Variants in BPIFB2 observed in about 807,000 individuals in gnomAD.
The protein encoded by BPIFB2 is BPI fold-containing family B member 2.
Under a neutral mutation model 50.1 loss-of-function variants are expected in BPIFB2, and 39 were observed. The ratio of observed to expected loss-of-function variants is 0.78; its 90% CI spans 0.60 to 1.02. BPIFB2 has a LOEUF of 1.02. BPIFB2 is among the 50% of genes least tolerant of loss of function. The pLI is 0.00. For missense variants in BPIFB2, 574 were observed against 585.8 expected (o/e 0.98, Z 0.21); for synonymous variants, 280 against 256.3 (o/e 1.09, Z -0.88).
rs560928759 is a variant in BPIFB2, at chr20:33,020,193, G to A, written c.1081-135G>A. On this transcript the variant is annotated intron_variant, in intron 11 of 15. Coordinates refer to ENST00000170150, the MANE Select transcript of BPIFB2 (RefSeq NM_025227.3). ...CACTGTGTTGTTGCCAACATTCAGC[G>A]TGGGGCCTGGCACATAGCAGGGGCT... The A allele has an allele frequency of 6.3e-4, 515 of 811,198 alleles. 2 individuals are homozygous for A. The highest frequency in any genetic ancestry group is 1.3e-3 in the Middle Eastern group (5 of 3,764). 50.3% of individuals were successfully genotyped at this position (811,198 alleles called of 1,614,324 possible).
rs35193091 is a variant in BPIFB2 at position 33,017,053 on chromosome 20, C to T, written c.528C>T (p.Ser176=). 2,726 of 1,614,108 alleles carry T rather than the reference C, an allele frequency of 1.7e-3. 48 individuals carry two copies. The African/African-American group carries it at 0.032, about 19-fold the overall frequency. The change falls in exon 7 of 16, where the codon AGC becomes AGT. Residue 176 remains serine (S), a synonymous_variant. Coordinates refer to ENST00000170150, the MANE Select transcript of BPIFB2 (RefSeq NM_025227.3). ...CTGTCTTACCACAGCTGTGCCTGAG[C>T]ATCTCCAACCTGGTGCAGGGTGTCA... ...KAVLSNKLCL[S]ISNLVQGVNV...
In BPIFB2 at chr20:33,011,062, C is replaced by A. The variant is rs768183622; in HGVS notation, c.148C>A (p.Gln50Lys). 4 of 1,613,950 alleles carry A rather than the reference C, an allele frequency of 2.5e-6. No individual in the cohort carries two copies. Among genetic ancestry groups the A allele is most frequent in the Non-Finnish European group, 3.4e-6 (4 of 1,180,000 alleles). Residue 50 changes from glutamine (Q) to lysine (K), a missense_variant, in exon 3 of 16, where the codon CAG becomes AAG. By Grantham distance (53) the Gln-to-Lys change is moderately conservative (BLOSUM62 1). Transcript: ENST00000170150. The part of the protein sequence containing the change: ...IGKAPLQRAL[Q>K]VTVPHFLDWS... ...GAAAGCCCCTCTCCAGCGGGCCCTG[C>A]AGGTCACTGTCCCTCATTTCCTGGA...
At chr20:33,014,471 C>T (rs1990331567) in intron 5 of BPIFB2, among the ~76,000 whole-genome samples, 1 of 152,192 alleles carries the variant, frequency 6.6e-6, no homozygotes, top group African/African-American at 2.4e-5. Context: ...AGTATCCTAC[C>T]AGGTAGGTGT....
In BPIFB2 at chr20:33,014,221, T is replaced by C. The variant is rs1194141803; in HGVS notation, c.455+265T>C. Among the ~76,000 whole-genome samples the C allele has an allele frequency of 3.3e-5, 5 of 152,102 alleles. No homozygotes were observed. The East Asian group carries it at 9.6e-4, about 29-fold the overall frequency. On this transcript the variant is annotated intron_variant, in intron 5 of 15. Coordinates refer to ENST00000170150, the MANE Select transcript of BPIFB2 (RefSeq NM_025227.3). ...CAATACACACTAGCTATTAGCACAC[T>C]CTTTGGGGAGGGATTTTGGGTGGAT...
chr20:33,012,674 C>A, intron 3 of BPIFB2, 129 bp from the exon 4 acceptor site: 1 of 748,956 alleles, frequency 1.3e-6, no homozygotes, highest in South Asian at 1.7e-5. Context: ...CTTCCCCTTA[C>A]CTCATGGTTC....
intron 15 of BPIFB2, among the ~76,000 whole-genome samples, chr20:33,022,481 G>T (rs924024857): frequency 6.6e-6 from 1 of 152,210 alleles, no homozygotes; most frequent in African/African-American, 2.4e-5. Context: ...ACACAGAGGA[G>T]CAGGGCTCTG....
chr20:33,023,662 A>T lies in BPIFB2; in HGVS notation c.*279A>T. The T allele has an allele frequency of 1.8e-6, 1 of 542,646 alleles. No homozygotes were observed. Among genetic ancestry groups the T allele is most frequent in the Non-Finnish European group, 3.3e-6 (1 of 301,240 alleles). The allele number at this position is 542,646 out of a possible 1,614,324, so 33.6% of individuals were successfully genotyped here. A position where few individuals can be genotyped will look rare whatever the true frequency, so the allele number is the denominator to read the frequency against. The stretch of plus-strand genomic sequence containing the variant: ...AGCAGACTGCTCCTCCAGGCTGTAT[A>T]GACCTGCCCTCTTGCATTAAACAAC... On this transcript the variant is annotated 3_prime_UTR_variant, in exon 16 of 16. Transcript: ENST00000170150.
intron 3 of BPIFB2, among the ~76,000 whole-genome samples, chr20:33,012,449 A>G (rs925094617): frequency 3.9e-5 from 6 of 152,206 alleles, no homozygotes; most frequent in African/African-American, 1.2e-4. Context: ...GACATTGACT[A>G]GGATACCAGA....
In BPIFB2 at chr20:33,023,530, G is replaced by A. The variant is rs1269995494; in HGVS notation, c.*147G>A. On this transcript the variant is annotated 3_prime_UTR_variant, in exon 16 of 16. Transcript: ENST00000170150. ...TTAGCTGGGCTGTTTTATCTTCCCT[G>A]AGTGCCTGGGTCTCCCTCCCTCACT... is the stretch of plus-strand genomic sequence containing the variant. 9.2e-6 allele frequency: 8 copies of A among 868,978 alleles called. No homozygotes were observed. The highest frequency in any genetic ancestry group is 1.5e-5 in the Non-Finnish European group (8 of 541,364). 53.8% of individuals were successfully genotyped at this position (868,978 alleles called of 1,614,324 possible). A position where few individuals can be genotyped will look rare whatever the true frequency, so the allele number is the denominator to read the frequency against.
intron 4 of BPIFB2, 49 bp downstream of exon 4, chr20:33,012,956 C>G (rs1014447537): frequency 1.3e-6 from 2 of 1,502,232 alleles, no homozygotes; most frequent in Middle Eastern, 2.0e-4. Context: ...GGGGATGCTC[C>G]GAGGGATACA....
At chr20:33,021,430 C>A in intron 14 of BPIFB2, 86 bp downstream of exon 14, 1 of 1,440,208 alleles carries the variant, frequency 6.9e-7, no homozygotes, top group Non-Finnish European at 9.6e-7. Flanking sequence ...AGCCCCCTTC[C>A]CACCTCCCAG....
chr20:33,023,431 C>A lies in BPIFB2; in HGVS notation c.*48C>A. On this transcript the variant is annotated 3_prime_UTR_variant, in exon 16 of 16. Transcript: ENST00000170150. ...AGAGTGGGCCAGCTCGCTGCTCAGG[C>A]GAATTTCTCATTTCAAGCCACTGGG... 1 of 1,592,144 alleles carries A rather than the reference C, an allele frequency of 6.3e-7. No individual in the cohort carries two copies.
In BPIFB2 at chr20:33,009,782, C is replaced by A. The variant is rs1483446835; in HGVS notation, c.109+1099C>A. Among the ~76,000 whole-genome samples, 1 of 152,238 alleles carries A rather than the reference C, an allele frequency of 6.6e-6. No individual in the cohort carries two copies. Among genetic ancestry groups the A allele is most frequent in the East Asian group, 1.9e-4 (1 of 5,202 alleles). On this transcript the variant is annotated intron_variant, in intron 2 of 15. Coordinates refer to ENST00000170150, the MANE Select transcript of BPIFB2 (RefSeq NM_025227.3). This position sits in a 1 kb window ranked among gnomAD's most constrained non-coding sequence, Gnocchi z 4.2. ...TCCCCAGGGAGCCCTCCCCAGCTTG[C>A]CTGCCTGTGTTTGTTTTTGGCAGAA... is the stretch of plus-strand genomic sequence containing the variant.
At chr20:33,018,444 A>G in intron 8 of BPIFB2, 94 bp downstream of exon 8, 1 of 1,351,808 alleles carries the variant, frequency 7.4e-7, no homozygotes, top group South Asian at 1.3e-5. Context: ...GGGAGTGGGA[A>G]AGGAGAGGAG....
At chr20:33,010,457 C>A (rs1472516010) in intron 2 of BPIFB2, among the ~76,000 whole-genome samples, 1 of 152,212 alleles carries the variant, frequency 6.6e-6, no homozygotes, top group African/African-American at 2.4e-5. Context: ...GTGACAGATA[C>A]CATTAGAATC....
At chr20:33,017,176 T>C in intron 7 of BPIFB2, 74 bp downstream of exon 7, 2 of 1,426,724 alleles carry the variant, frequency 1.4e-6, no homozygotes, top group Non-Finnish European at 1.9e-6. Flanking sequence ...CTCCAAAGGC[T>C]CCACTCTGGA....
chr20:33,017,400 T>C (rs1978475089), intron 7 of BPIFB2, among the ~76,000 whole-genome samples: 1 of 152,244 alleles, frequency 6.6e-6, no homozygotes, highest in Non-Finnish European at 1.5e-5. Context: ...CAAGGACCAT[T>C]GACACTTAGA....
In BPIFB2 at chr20:33,017,022, T is replaced by C. The variant is rs1397582276; in HGVS notation, c.517-20T>C. 1.2e-6 allele frequency: 2 copies of C among 1,613,162 alleles called. No homozygotes were observed. The highest frequency in any genetic ancestry group is 2.7e-5 in the African/African-American group (2 of 74,902). On this transcript the variant is annotated intron_variant, in intron 6 of 15. Coordinates refer to ENST00000170150, the MANE Select transcript of BPIFB2 (RefSeq NM_025227.3). ...CAGGGCTGCCCTAACCCCAGCCTCCTTCTCTCTGTCTTACCACAGCTGTGC... is the reference window on the plus strand; with the variant it reads ...CAGGGCTGCCCTAACCCCAGCCTCCCTCTCTCTGTCTTACCACAGCTGTGC...
At position 33,014,069 on chromosome 20, in the gene BPIFB2, C is replaced by T. The variant is rs993812334; in HGVS notation, c.455+113C>T. The T allele has an allele frequency of 2.3e-5, 31 of 1,365,512 alleles. No individual in the cohort carries two copies. In the African/African-American group the frequency reaches 3.8e-4, roughly 17 times the overall value. 84.6% of individuals were successfully genotyped at this position (1,365,512 alleles called of 1,614,324 possible). ...CCAATGGCCACAAGGGCCTCAGGGG[C>T]CCCCATTATTGTGCTTGTTTTATGT... On this transcript the variant is annotated intron_variant, in intron 5 of 15. Transcript: ENST00000170150.
Sources: allele counts gnomAD v4.1 joint callset (sites outside exome capture counted in the v4.1 genomes callset), GRCh38; gene constraint gnomAD v4.1.1; non-coding constraint Gnocchi (gnomAD v3.1); transcripts MANE v1.5; gene names NCBI Gene and HGNC (gene_info 2026-07-23, HGNC 2026-07-21).